The following CTTNBP2 variants were observed in gnomAD, a reference collection of about 807,000 sequenced individuals.
The protein encoded by CTTNBP2 is cortactin-binding protein 2.
Under a neutral mutation model 156.9 loss-of-function variants are expected in CTTNBP2, and 108 were observed. That is an observed-to-expected ratio of 0.69 (90% CI 0.59 to 0.81). The LOEUF is 0.81. Among genes scored for constraint, CTTNBP2 ranks in the 30% least tolerant of loss-of-function variants. The probability of loss-of-function intolerance (pLI) is 0.00; values close to 1 mark genes in which losing one functional copy is unlikely to be tolerated. For missense variants in CTTNBP2, 1,924 were observed against 2,035.4 expected (o/e 0.95, Z 1.05); for synonymous variants, 767 against 751.8 (o/e 1.02, Z -0.33).
intron 1 of CTTNBP2, among the ~76,000 whole-genome samples, 175 bp downstream of exon 1, chr7:117,873,160 C>G (rs983211596): frequency 4.6e-5 from 7 of 152,154 alleles, no homozygotes; most frequent in Non-Finnish European, 8.8e-5. Context: ...CGCTCCCCCC[C>G]GCGGCCTCCG....
chr7:117,784,968 A>C (rs2116822296), intron 4 of CTTNBP2, among the ~76,000 whole-genome samples: 1 of 152,318 alleles, frequency 6.6e-6, no homozygotes, highest in East Asian at 1.9e-4. Flanking sequence ...TAAACCATTA[A>C]GATGGACCAA....
intron 1 of CTTNBP2, among the ~76,000 whole-genome samples, chr7:117,871,293 GC>G (rs772298460): frequency 6.6e-6 from 1 of 152,146 alleles, no homozygotes; most frequent in Non-Finnish European, 1.5e-5. Context: ...AGAGAACCAT[GC>G]CTTATTAAGT....
intron 2 of CTTNBP2, among the ~76,000 whole-genome samples, chr7:117,832,638 A>G (rs1424560478): frequency 1.3e-5 from 2 of 150,342 alleles, no homozygotes; most frequent in Non-Finnish European, 3.0e-5. Context: ...CTACTATCTG[A>G]GATATCACTG....
At chr7:117,759,632 G>C (rs1056707955) in intron 10 of CTTNBP2, among the ~76,000 whole-genome samples, 2 of 152,146 alleles carry the variant, frequency 1.3e-5, no homozygotes, top group Non-Finnish European at 2.9e-5. Context: ...CGGTGCTGTT[G>C]AAAGTACACA....
At chr7:117,782,489 T>G (rs1407625586) in intron 6 of CTTNBP2, among the ~76,000 whole-genome samples, 1 of 152,218 alleles carries the variant, frequency 6.6e-6, no homozygotes, top group Admixed American at 6.5e-5. Flanking sequence ...TGTTCTACTT[T>G]TAGTGACATC....
intron 3 of CTTNBP2, among the ~76,000 whole-genome samples, chr7:117,806,426 T>C (rs1249001043): frequency 6.6e-6 from 1 of 152,218 alleles, no homozygotes; most frequent in Non-Finnish European, 1.5e-5. Flanking sequence ...AAAATACTCT[T>C]ACGACATTTA....
intron 22 of CTTNBP2, among the ~76,000 whole-genome samples, chr7:117,714,893 A>C (rs1053160769): frequency 5.3e-5 from 8 of 152,166 alleles, no homozygotes; most frequent in African/African-American, 1.9e-4. Flanking sequence ...GGAGCAGGAG[A>C]GTTACAGGTG....
chr7:117,744,256 C>T (rs754809193), intron 14 of CTTNBP2, among the ~76,000 whole-genome samples: 2 of 152,088 alleles, frequency 1.3e-5, no homozygotes, highest in Non-Finnish European at 2.9e-5. Flanking sequence ...TAGTCACTAT[C>T]AAACAGTAGG....
rs558967967 is a variant in CTTNBP2 at position 117,765,088 on chromosome 7, A to G, written c.2896+1971T>C. Among the ~76,000 whole-genome samples the G allele has an allele frequency of 4.6e-5, 7 of 152,240 alleles. No homozygotes were observed. In the East Asian group the frequency reaches 1.4e-3, roughly 29 times the overall value. On this transcript the variant is annotated intron_variant, in intron 9 of 22. Transcript: ENST00000160373. ...GCAGCTGGAATTACAGGCATATGCC[A>G]CCACGCCCAGATAATTTTGTATTCT...
At chr7:117,822,331 CTCTT>C (rs1280226406) in intron 2 of CTTNBP2, among the ~76,000 whole-genome samples, 1 of 151,996 alleles carries the variant, frequency 6.6e-6, no homozygotes, top group Non-Finnish European at 1.5e-5. Context: ...AATGAATCAA[CTCTT>C]TATTATTATT....
At chr7:117,870,153 A>C (rs1383429991) in intron 1 of CTTNBP2, among the ~76,000 whole-genome samples, 1 of 152,188 alleles carries the variant, frequency 6.6e-6, no homozygotes, top group Non-Finnish European at 1.5e-5. Flanking sequence ...TGACACCATC[A>C]TCCCCAATTT....
chr7:117,748,528 C>T (rs1040224804), intron 12 of CTTNBP2, among the ~76,000 whole-genome samples: 6 of 152,150 alleles, frequency 3.9e-5, no homozygotes, highest in African/African-American at 1.4e-4. Flanking sequence ...ATTGAGAGAG[C>T]TCAAGTTAGT....
intron 12 of CTTNBP2, among the ~76,000 whole-genome samples, chr7:117,752,253 G>A (rs1407378372): frequency 6.6e-6 from 1 of 152,062 alleles, no homozygotes; most frequent in Non-Finnish European, 1.5e-5. Flanking sequence ...ATCCCATCCT[G>A]GACATTCAGA....
intron 22 of CTTNBP2, 38 bp downstream of exon 22, chr7:117,717,980 T>TCATCCTTTGTTCACTTTGGGGAGAAAG (rs1447221038): frequency 2.4e-6 from 3 of 1,250,686 alleles, no homozygotes; most frequent in African/African-American, 1.5e-5. Flanking sequence ...TCCACAGCAA[T>TCATCCTTTGTTCACTTTGGGGAGAAAG]CATCCTTTGT....
At chr7:117,833,535 CCTT>C (rs1223952909) in intron 2 of CTTNBP2, among the ~76,000 whole-genome samples, 2 of 152,192 alleles carry the variant, frequency 1.3e-5, no homozygotes, top group African/African-American at 4.8e-5. Flanking sequence ...CTGCATCCAT[CCTT>C]CAAGAGCCAC....
At chr7:117,753,344 C>T (rs988966986) in intron 12 of CTTNBP2, among the ~76,000 whole-genome samples, 2 of 152,122 alleles carry the variant, frequency 1.3e-5, no homozygotes, top group African/African-American at 2.4e-5. Context: ...GACAGTGTGG[C>T]GACTCCTCAT....
Position 117,735,290 on chromosome 7 carries a change from T to C in CTTNBP2, c.3667A>G (p.Ser1223Gly), listed in dbSNP as rs1795626406. ...LAPLENRSTE[S>G]PCTFQKGNGL... is the part of the protein sequence containing the mutation. ...TTACCTTTTTGGAAAGTGCAGGGGC[T>C]TTCAGTGCTGCGATTTTCAAGAGGT... The change falls in exon 15 of 23, where the codon AGC (serine) becomes GGC (glycine). Residue 1223 changes from serine (S) to glycine (G), a missense_variant. Coordinates refer to ENST00000160373, the MANE Select transcript of CTTNBP2 (RefSeq NM_033427.3). 6.2e-7 allele frequency: 1 copy of C among 1,613,970 alleles called. No homozygotes were observed. The highest frequency in any genetic ancestry group is 1.3e-5 in the African/African-American group (1 of 74,920).
chr7:117,867,256 TA>T (rs1167803760), intron 1 of CTTNBP2, among the ~76,000 whole-genome samples: 1 of 152,180 alleles, frequency 6.6e-6, no homozygotes, highest in Non-Finnish European at 1.5e-5. Flanking sequence ...CTGCTCTTCC[TA>T]ATCCTCCATT....
chr7:117,827,399 T>C (rs1801348048), intron 2 of CTTNBP2, among the ~76,000 whole-genome samples: 1 of 152,236 alleles, frequency 6.6e-6, no homozygotes, highest in Admixed American at 6.5e-5. Flanking sequence ...CTCATCATTA[T>C]GACTGCACAG....
Sources: allele counts gnomAD v4.1 joint callset (sites outside exome capture counted in the v4.1 genomes callset), GRCh38; gene constraint gnomAD v4.1.1; transcripts MANE v1.5; gene names NCBI Gene and HGNC (gene_info 2026-07-23, HGNC 2026-07-21).